The following OSBPL8 variants were observed in gnomAD, a reference collection of about 807,000 sequenced individuals.
OSBPL8 encodes the protein oxysterol-binding protein-related protein 8.
Under a neutral mutation model 125.5 loss-of-function variants are expected in OSBPL8, and 59 were observed. The observed-to-expected ratio is 0.47, with a 90% CI of 0.38 to 0.58. The LOEUF (loss-of-function observed/expected upper bound fraction) is 0.58. Among genes scored for constraint, OSBPL8 ranks in the 20% least tolerant of loss-of-function variants. The probability of loss-of-function intolerance (pLI) is 0.00; values close to 1 mark genes in which losing one functional copy is unlikely to be tolerated. For missense variants in OSBPL8, 758 were observed against 1,047.8 expected (o/e 0.72, Z 3.82); for synonymous variants, 330 against 338.9 (o/e 0.97, Z 0.29).
chr12:76,389,862 A>G, intron 11 of OSBPL8, 33 bp from the exon 12 acceptor site: 8 of 1,429,638 alleles, frequency 5.6e-6, no homozygotes, highest in Non-Finnish European at 7.4e-6. Context: ...CCAAAACATT[A>G]TATTTATTTC....
At chr12:76,495,004 G>A (rs1163792070) in intron 1 of OSBPL8, among the ~76,000 whole-genome samples, 4 of 152,002 alleles carry the variant, frequency 2.6e-5, no homozygotes, top group Admixed American at 1.3e-4. Context: ...TTAAGCTTCG[G>A]GGCCACTAAT....
At chr12:76,532,452 C>T (rs983644286) in intron 1 of OSBPL8, among the ~76,000 whole-genome samples, 2 of 152,090 alleles carry the variant, frequency 1.3e-5, no homozygotes, top group Non-Finnish European at 2.9e-5. Context: ...ACAATGAATG[C>T]TTATATGTAT....
chr12:76,423,158 C>G (rs915523653), intron 4 of OSBPL8: 1 of 152,230 alleles, frequency 6.6e-6, no homozygotes, highest in Non-Finnish European at 1.5e-5. Context: ...TGCTTTTTAT[C>G]TTCCCTGAAG....
rs1411490276 is a variant in OSBPL8, at chr12:76,459,885, T to C, written c.53A>G (p.Asp18Gly). 3.7e-6 allele frequency: 6 copies of C among 1,613,790 alleles called. No homozygotes were observed. The highest frequency in any genetic ancestry group is 5.1e-6 in the Non-Finnish European group (6 of 1,179,964). Residue 18 changes from aspartate to glycine, a missense_variant, in exon 3 of 24, where the codon GAT becomes GGT. Coordinates refer to ENST00000261183, the MANE Select transcript of OSBPL8 (RefSeq NM_020841.5). The part of the protein sequence containing the change: ...GEPDRTSLLG[D>G]SKDVLGPSTV... ...TGATGGCCCAAGGACATCTTTGCTA[T>C]CACCAAGAAGCTTTTAAGGCAGGGT...
At chr12:76,381,498 C>A (rs1953050293) in intron 15 of OSBPL8, among the ~76,000 whole-genome samples, 1 of 152,104 alleles carries the variant, frequency 6.6e-6, no homozygotes. Flanking sequence ...ATTTCTATCT[C>A]TTTTAATTCT....
At position 76,526,651 on chromosome 12, in the gene OSBPL8, T is replaced by C. The variant is rs1565971351; in HGVS notation, c.-68+32746A>G. Among the ~76,000 whole-genome samples the C allele has an allele frequency of 1.7e-5, 2 of 119,362 alleles. 1 individual carries two copies. Among genetic ancestry groups the C allele is most frequent in the African/African-American group, 8.1e-5 (2 of 24,762 alleles). The allele number at this position is 119,362 out of a possible 152,430, so 78.3% of individuals were successfully genotyped here. A position where few individuals can be genotyped will look rare whatever the true frequency, so the allele number is the denominator to read the frequency against. On this transcript the variant is annotated intron_variant, in intron 1 of 23. Transcript: ENST00000261183. ...AGTAAATCTCTTTTTTTTTTTTTTT[T>C]TTTTTTTTTTTTTTTTTGAGACAGG...
intron 4 of OSBPL8, among the ~76,000 whole-genome samples, chr12:76,421,016 C>G (rs1235447381): frequency 6.6e-6 from 1 of 151,932 alleles, no homozygotes; most frequent in Non-Finnish European, 1.5e-5. Context: ...GATAAACTGA[C>G]AATTTTGCCT....
At chr12:76,414,448 TG>T (rs1300071977) in intron 4 of OSBPL8, among the ~76,000 whole-genome samples, 9 of 139,876 alleles carry the variant, frequency 6.4e-5, no homozygotes, top group African/African-American at 1.1e-4. Context: ...TTTATTTTTC[TG>T]GTTTTTTTTT....
intron 4 of OSBPL8, among the ~76,000 whole-genome samples, chr12:76,411,392 C>T (rs1592631096): frequency 1.3e-5 from 2 of 152,116 alleles, no homozygotes; most frequent in East Asian, 1.9e-4. Context: ...AGGACAGGTA[C>T]TATTAACTCT....
At chr12:76,455,714 G>A (rs969525404) in intron 3 of OSBPL8, among the ~76,000 whole-genome samples, 1 of 151,982 alleles carries the variant, frequency 6.6e-6, no homozygotes, top group African/African-American at 2.4e-5. Flanking sequence ...AAGAGGCTAG[G>A]GAATATAAAA....
intron 2 of OSBPL8, among the ~76,000 whole-genome samples, chr12:76,486,340 T>C (rs1211371840): frequency 1.3e-5 from 2 of 152,144 alleles, no homozygotes; most frequent in South Asian, 2.1e-4. Context: ...TCCACAGCAA[T>C]ATAAAAGACA....
intron 4 of OSBPL8, among the ~76,000 whole-genome samples, chr12:76,443,726 C>T (rs987923419): frequency 7.2e-5 from 11 of 152,044 alleles, no homozygotes; most frequent in African/African-American, 2.7e-4. Context: ...AGGCTGGTCT[C>T]AAATTCCTGA....
At chr12:76,468,838 G>GT (rs1204206888) in intron 2 of OSBPL8, among the ~76,000 whole-genome samples, 1 of 152,212 alleles carries the variant, frequency 6.6e-6, no homozygotes, top group African/African-American at 2.4e-5. Context: ...GAAATAGTGT[G>GT]TATCTGTAAT....
Position 76,353,835 on chromosome 12 carries a change from A to G in OSBPL8, c.*2054T>C, listed in dbSNP as rs529382480. On this transcript the variant is annotated 3_prime_UTR_variant, in exon 24 of 24. Coordinates refer to ENST00000261183, the MANE Select transcript of OSBPL8 (RefSeq NM_020841.5). Reference sequence around the variant, plus strand: ...TTGACTCTTTGGGTAAGAACCCATAACATTTGCTCTAAAAAGAAATTTTAA... The same window carrying G: ...TTGACTCTTTGGGTAAGAACCCATAGCATTTGCTCTAAAAAGAAATTTTAA... The G allele has an allele frequency of 9.2e-5, 14 of 152,546 alleles. No homozygotes were observed. Among genetic ancestry groups the G allele is most frequent in the Admixed American group, 9.2e-4 (14 of 15,286 alleles). The allele number at this position is 152,546 out of a possible 1,614,324, so 9.4% of individuals were successfully genotyped here. A position where few individuals can be genotyped will look rare whatever the true frequency, so the allele number is the denominator to read the frequency against.
rs369287376 is a variant in OSBPL8, at chr12:76,498,725, C to CTTTT, written c.-67-11111_-67-11108dup. Among the ~76,000 whole-genome samples, 105 of 102,478 alleles carry CTTTT rather than the reference C, an allele frequency of 1.0e-3. 5 individuals are homozygous for CTTTT. The highest frequency in any genetic ancestry group is 6.0e-3 in the Middle Eastern group (1 of 166). The allele number at this position is 102,478 out of a possible 152,430, so 67.2% of individuals were successfully genotyped here. On this transcript the variant is annotated intron_variant, in intron 1 of 23. Transcript: ENST00000261183. ...CTTAGTGGTAATAAAAGCCTCCCCA[C>CTTTT]TTTTTTTTTTTTTTTTTTTTTTGAG...
intron 16 of OSBPL8, among the ~76,000 whole-genome samples, chr12:76,376,105 T>G (rs2136220237): frequency 6.6e-6 from 1 of 152,208 alleles, no homozygotes; most frequent in South Asian, 2.1e-4. Flanking sequence ...AATCTCATAC[T>G]CCCCCAGGAG....
chr12:76,399,830 T>G, intron 7 of OSBPL8, 43 bp downstream of exon 7: 2 of 1,498,082 alleles, frequency 1.3e-6, no homozygotes, highest in Non-Finnish European at 1.8e-6. Flanking sequence ...TTCCAGTAGG[T>G]AAACATCCAG....
chr12:76,398,312 C>T (rs1953903499), intron 7 of OSBPL8, among the ~76,000 whole-genome samples: 2 of 152,324 alleles, frequency 1.3e-5, no homozygotes. Context: ...GCTGAAAACA[C>T]TGCTGGCACA....
intron 1 of OSBPL8, among the ~76,000 whole-genome samples, chr12:76,510,455 A>T (rs1446135722): frequency 6.6e-6 from 1 of 152,242 alleles, no homozygotes; most frequent in Non-Finnish European, 1.5e-5. Context: ...TTCTCAAGGT[A>T]CAAAAGAAAT....
Sources: allele counts gnomAD v4.1 joint callset (sites outside exome capture counted in the v4.1 genomes callset), GRCh38; gene constraint gnomAD v4.1.1; transcripts MANE v1.5; gene names NCBI Gene and HGNC (gene_info 2026-07-23, HGNC 2026-07-21).